The following TNNT1 variants were observed in gnomAD, a reference collection of about 807,000 sequenced individuals.
TNNT1 encodes troponin T1, slow skeletal type.
A neutral mutation model predicts 50.6 loss-of-function variants in TNNT1; 53 were observed. The observed-to-expected ratio is 1.05, with a 90% confidence interval of 0.84 to 1.32. The LOEUF (loss-of-function observed/expected upper bound fraction) is 1.32. Ranked by LOEUF, TNNT1 falls within the 40% of genes most tolerant of loss-of-function variation. The pLI is 0.00. For synonymous variants in TNNT1, 142 were observed against 138.0 expected (o/e 1.03, Z -0.20); for missense variants, 348 against 381.7 (o/e 0.91, Z 0.74).
chr19:55,142,166 G>T, intron 6 of TNNT1: 6 of 438,182 alleles, frequency 1.4e-5, no homozygotes, highest in South Asian at 1.3e-4. Context: ...TGTCACCCAG[G>T]CTGGAGTGCG....
chr19:55,135,924 C>T (rs2085339754), intron 11 of TNNT1, among the ~76,000 whole-genome samples: 1 of 152,222 alleles, frequency 6.6e-6, no homozygotes, highest in African/African-American at 2.4e-5. Context: ...CCCGTCTCCA[C>T]ACTCAGTGTC....
In TNNT1 at chr19:55,133,372, C is replaced by CA. The variant is rs201968959; in HGVS notation, c.792-413dup. On this transcript the variant is annotated intron_variant, in intron 13 of 13. Coordinates refer to ENST00000588981, the MANE Select transcript of TNNT1 (RefSeq NM_003283.6). ...GAGGAAGGAAGAGGGAGTGGAGAAA[C>CA]AGAGAGATTCAGGGAAGACCCTCTC... Among the ~76,000 whole-genome samples, 1,137 of 151,548 alleles carry CA rather than the reference C, an allele frequency of 7.5e-3. 10 individuals are homozygous for CA. The highest frequency in any genetic ancestry group is 0.02 in the African/African-American group (823 of 41,310).
At chr19:55,139,691 G>C (rs549770377) in intron 9 of TNNT1, among the ~76,000 whole-genome samples, 2 of 152,226 alleles carry the variant, frequency 1.3e-5, no homozygotes, top group East Asian at 3.9e-4. Flanking sequence ...TTCACAGCTG[G>C]GTGACGGGCA....
chr19:55,138,469 G>A lies in TNNT1; in HGVS notation c.388-395C>T, dbSNP rs936225940. ...ATTTTTGTATTTTTAGTGGAGACGC[G>A]GTTTCACCATGTTGGCCAGGCTGGT... On this transcript the variant is annotated intron_variant, in intron 9 of 13. Transcript: ENST00000588981. 5.3e-5 allele frequency among the ~76,000 whole-genome samples: 8 copies of A among 152,242 alleles called. No homozygotes were observed. The South Asian group carries it at 1.0e-3, about 20-fold the overall frequency.
At chr19:55,133,046 TC>T in intron 13 of TNNT1, 86 bp from the exon 14 acceptor site, 2 of 1,229,912 alleles carry the variant, frequency 1.6e-6, no homozygotes, top group Non-Finnish European at 1.2e-6. Flanking sequence ...GGAAGCCCAT[TC>T]CCCAAAATAT....
In TNNT1 at chr19:55,141,925, G is replaced by C. The variant is rs997219637; in HGVS notation, c.129-5C>G. The C allele has an allele frequency of 1.2e-6, 2 of 1,614,042 alleles. No homozygotes were observed. Among genetic ancestry groups the C allele is most frequent in the African/African-American group, 1.3e-5 (1 of 75,032 alleles). On this transcript the variant is annotated splice_polypyrimidine_tract_variant and splice_region_variant and intron_variant, in intron 6 of 13. Transcript: ENST00000588981. The stretch of plus-strand genomic sequence containing the variant: ...AAAGGAGGCACCACGGGGCGGCTGA[G>C]TGGACAGAAACACAGAGACCATGAG...
intron 13 of TNNT1, among the ~76,000 whole-genome samples, chr19:55,133,212 A>T (rs1439500930): frequency 6.6e-6 from 1 of 151,372 alleles, no homozygotes. Context: ...GGAGCTGATG[A>T]ATGTTTATGA....
intron 11 of TNNT1, among the ~76,000 whole-genome samples, chr19:55,136,488 G>T (rs1241849398): frequency 2.0e-5 from 3 of 152,186 alleles, no homozygotes; most frequent in African/African-American, 7.2e-5. Flanking sequence ...CCCCAGAGAA[G>T]TCAGATAACG....
At chr19:55,140,106 G>C (rs1193897102) in intron 9 of TNNT1, among the ~76,000 whole-genome samples, 1 of 149,588 alleles carries the variant, frequency 6.7e-6, no homozygotes, top group Admixed American at 6.7e-5. Flanking sequence ...CTGGGTGACA[G>C]AGCGAGACTG....
At position 55,137,131 on chromosome 19, in the gene TNNT1, T is replaced by C; in HGVS notation, c.583A>G (p.Ile195Val). The part of the protein sequence containing the change: ...ILSERKKPLD[I>V]DYMGEEQLRA... ...AGCTGTTCCTCCCCCATGTAGTCAA[T>C]GTCCAGAGGCTTCTTACGCTCGGAG... The change falls in exon 11 of 14, where the codon ATT becomes GTT. Residue 195 changes from isoleucine (I) to valine (V), a missense_variant. Physicochemically the swap from Ile to Val is conservative, Grantham distance 29. This residue lies in a region of TNNT1 where 253 missense variants were observed against 291.8 expected (regional missense o/e 0.87). Coordinates refer to ENST00000588981, the MANE Select transcript of TNNT1 (RefSeq NM_003283.6). The C allele has an allele frequency of 2.8e-6, 4 of 1,405,170 alleles. No homozygotes were observed. The highest frequency in any genetic ancestry group is 3.8e-6 in the Non-Finnish European group (4 of 1,047,742). The allele number at this position is 1,405,170 out of a possible 1,614,324, so 87.0% of individuals were successfully genotyped here. A position where few individuals can be genotyped will look rare whatever the true frequency, so the allele number is the denominator to read the frequency against.
intron 1 of TNNT1, among the ~76,000 whole-genome samples, chr19:55,148,398 C>G (rs893876675): frequency 1.3e-5 from 2 of 152,012 alleles, no homozygotes; most frequent in Non-Finnish European, 2.9e-5. Context: ...ACCCTGACCC[C>G]TACATTCTTA....
chr19:55,146,667 G>A lies in TNNT1; in HGVS notation c.73+14C>T. 6.7e-7 allele frequency: 1 copy of A among 1,486,862 alleles called. No homozygotes were observed. The highest frequency in any genetic ancestry group is 9.0e-7 in the Non-Finnish European group (1 of 1,112,708). 92.1% of individuals were successfully genotyped at this position (1,486,862 alleles called of 1,614,324 possible). A position where few individuals can be genotyped will look rare whatever the true frequency, so the allele number is the denominator to read the frequency against. On this transcript the variant is annotated intron_variant, in intron 4 of 13. Transcript: ENST00000588981. ...CACCCCCCAGCTCCAGACCTGCGGA[G>A]TCCGGGACCTCACCTTCCTCCTCCT...
intron 1 of TNNT1, among the ~76,000 whole-genome samples, chr19:55,148,641 C>T (rs934871958): frequency 6.6e-6 from 1 of 152,004 alleles, no homozygotes; most frequent in Non-Finnish European, 1.5e-5. Context: ...GAATATGAGA[C>T]CCCCAAAATC....
At chr19:55,141,764 G>A (rs986346760) in intron 7 of TNNT1, 93 bp downstream of exon 7, 114 of 1,462,760 alleles carry the variant, frequency 7.8e-5, no homozygotes, top group Non-Finnish European at 1.1e-4. Context: ...ACAGGCATGA[G>A]GCCCCGCGCC....
intron 1 of TNNT1, 89 bp downstream of exon 1, chr19:55,149,072 C>G: frequency 2.2e-6 from 1 of 449,878 alleles, no homozygotes; most frequent in Non-Finnish European, 4.5e-6. Context: ...CACCATTTCT[C>G]CACACCCGAC....
Position 55,147,141 on chromosome 19 carries a change from T to C in TNNT1, c.17A>G (p.Glu6Gly). 6.2e-7 allele frequency: 1 copy of C among 1,613,752 alleles called. No homozygotes were observed. The highest frequency in any genetic ancestry group is 8.5e-7 in the Non-Finnish European group (1 of 1,179,860). The change falls in exon 2 of 14, where the codon GAG (glutamate) becomes GGG (glycine). Residue 6 changes from glutamate (E) to glycine (G), a missense_variant. Glu to Gly is a moderately conservative substitution (Grantham distance 98). Coordinates refer to ENST00000588981, the MANE Select transcript of TNNT1 (RefSeq NM_003283.6). The stretch of plus-strand genomic sequence containing the variant: ...CAGCACTCACTCCTCATATTCCTGC[T>C]CCTCGGTGTCCGACATCCTGGTGCG... Reference protein sequence around the residue: MSDTEEQEYEEEQPEE... With the variant: MSDTEGQEYEEEQPEE...
chr19:55,141,835 G>A (rs768106107), intron 7 of TNNT1, 22 bp downstream of exon 7: 4 of 1,613,514 alleles, frequency 2.5e-6, no homozygotes, highest in South Asian at 1.1e-5. Flanking sequence ...CTGCGCCTGC[G>A]GAGGGGTCTC....
At chr19:55,135,977 G>A (rs907612178) in intron 11 of TNNT1, among the ~76,000 whole-genome samples, 2 of 152,156 alleles carry the variant, frequency 1.3e-5, no homozygotes, top group Non-Finnish European at 2.9e-5. Context: ...AAGTATTTAC[G>A]CCCTGGGAAT....
At chr19:55,137,881 C>T (rs2085382043) in intron 10 of TNNT1, 80 bp downstream of exon 10, 5 of 1,557,518 alleles carry the variant, frequency 3.2e-6, no homozygotes, top group Admixed American at 1.7e-5. Flanking sequence ...TCAGCCCCTC[C>T]TCCGTTAGGA....
Sources: allele counts gnomAD v4.1 joint callset (sites outside exome capture counted in the v4.1 genomes callset), GRCh38; gene constraint gnomAD v4.1.1; regional missense constraint gnomAD v4.1.1; transcripts MANE v1.5; gene names NCBI Gene and HGNC (gene_info 2026-07-23, HGNC 2026-07-21).